The following HTR1E variants were observed in gnomAD, a reference collection of about 807,000 sequenced individuals.
HTR1E encodes 5-hydroxytryptamine receptor 1E.
In HTR1E, 3 loss-of-function variants were observed where a neutral mutation model predicts 3.4. The ratio of observed to expected loss-of-function variants is 0.89; its 90% CI spans 0.41 to 2.31. The LOEUF is 2.31. Among genes scored for constraint, HTR1E ranks in the 30% most tolerant of loss-of-function variants. HTR1E has a pLI of 0.05. For synonymous variants in HTR1E, 170 were observed against 182.8 expected (o/e 0.93, Z 0.56); for missense variants, 392 against 467.0 (o/e 0.84, Z 1.48).
chr6:86,987,807 T>C (rs1331136721), intron 1 of HTR1E, among the ~76,000 whole-genome samples: 10 of 151,998 alleles, frequency 6.6e-5, no homozygotes, highest in South Asian at 4.2e-4. Flanking sequence ...TGTCCTCACA[T>C]GGCAGAAGGC....
intron 1 of HTR1E, among the ~76,000 whole-genome samples, chr6:87,009,908 A>G (rs1582284788): frequency 2.0e-5 from 2 of 97,872 alleles, no homozygotes; most frequent in Admixed American, 1.0e-4. Context: ...TCCCTCCCGG[A>G]CGGGGCGGCT....
In HTR1E at chr6:86,964,230, G is replaced by A. The variant is rs541161535; in HGVS notation, c.-186+26407G>A. 8.5e-5 allele frequency among the ~76,000 whole-genome samples: 13 copies of A among 152,290 alleles called. No homozygotes were observed. The East Asian group carries it at 9.6e-4, about 11-fold the overall frequency. On this transcript the variant is annotated intron_variant, in intron 1 of 1. Coordinates refer to ENST00000305344, the MANE Select transcript of HTR1E (RefSeq NM_000865.3). ...GACTGAAAAAATATGCGTTGGAATC[G>A]TATCTGGGGGCATGGGGCAGATTGC...
chr6:87,002,420 G>A (rs1006956812), intron 1 of HTR1E, among the ~76,000 whole-genome samples: 1 of 152,242 alleles, frequency 6.6e-6, no homozygotes, highest in Non-Finnish European at 1.5e-5. Context: ...GGGGACCCGA[G>A]GAGGTTGCCA....
chr6:86,985,862 G>C (rs1582272869), intron 1 of HTR1E, among the ~76,000 whole-genome samples: 1 of 152,170 alleles, frequency 6.6e-6, no homozygotes, highest in East Asian at 1.9e-4. Flanking sequence ...ATTGCAACAA[G>C]GTGAAATTTT....
intron 1 of HTR1E, among the ~76,000 whole-genome samples, chr6:86,960,819 C>T (rs1333858972): frequency 1.3e-5 from 2 of 152,148 alleles, no homozygotes; most frequent in African/African-American, 2.4e-5. Flanking sequence ...GCCATGTGGC[C>T]TCAGATCCCT....
At chr6:86,947,423 T>C (rs1767134837) in intron 1 of HTR1E, among the ~76,000 whole-genome samples, 1 of 152,180 alleles carries the variant, frequency 6.6e-6, no homozygotes, top group South Asian at 2.1e-4. Context: ...ACAAAACAAG[T>C]AAAGTTCAAA....
chr6:86,996,379 A>T (rs940479170), intron 1 of HTR1E, among the ~76,000 whole-genome samples: 1 of 152,194 alleles, frequency 6.6e-6, no homozygotes, highest in Non-Finnish European at 1.5e-5. Flanking sequence ...GCAACTCAGG[A>T]GAAATCTTTA....
chr6:86,944,812 G>A (rs927417110), intron 1 of HTR1E, among the ~76,000 whole-genome samples: 3 of 152,138 alleles, frequency 2.0e-5, no homozygotes, highest in Admixed American at 6.5e-5. Context: ...TGACATCATC[G>A]CTATTGCAAT....
At chr6:86,959,196 C>A (rs1490517016) in intron 1 of HTR1E, among the ~76,000 whole-genome samples, 1 of 151,926 alleles carries the variant, frequency 6.6e-6, no homozygotes, top group Non-Finnish European at 1.5e-5. Flanking sequence ...TGGATGAGGC[C>A]TACCACATTG....
At chr6:86,976,598 C>A (rs1207491460) in intron 1 of HTR1E, among the ~76,000 whole-genome samples, 1 of 152,160 alleles carries the variant, frequency 6.6e-6, no homozygotes, top group Non-Finnish European at 1.5e-5. Context: ...TCTTGGTTGA[C>A]CAAAACTTTG....
intron 1 of HTR1E, among the ~76,000 whole-genome samples, chr6:86,974,179 T>A (rs1312833046): frequency 2.0e-5 from 3 of 152,246 alleles, no homozygotes; most frequent in Admixed American, 2.0e-4. Context: ...AGAACTTTTT[T>A]AAACCACTTG....
chr6:86,945,283 C>A (rs1275586916), intron 1 of HTR1E, among the ~76,000 whole-genome samples: 1 of 152,138 alleles, frequency 6.6e-6, no homozygotes, highest in Non-Finnish European at 1.5e-5. Flanking sequence ...GTCTCAGTCG[C>A]CCAGGCTGGA....
At chr6:86,973,091 G>A (rs981134102) in intron 1 of HTR1E, among the ~76,000 whole-genome samples, 10 of 152,134 alleles carry the variant, frequency 6.6e-5, no homozygotes, top group African/African-American at 2.4e-4. Flanking sequence ...AGCAAGGTTG[G>A]ATACCTCCTT....
intron 1 of HTR1E, among the ~76,000 whole-genome samples, chr6:86,947,632 G>T (rs572518249): frequency 4.5e-4 from 68 of 152,028 alleles, no homozygotes; most frequent in African/African-American, 1.6e-3. Flanking sequence ...AGGGAGAAAA[G>T]AGTGGTTTCT....
chr6:86,994,803 T>C (rs781316417), intron 1 of HTR1E, among the ~76,000 whole-genome samples: 2 of 150,832 alleles, frequency 1.3e-5, no homozygotes, highest in Non-Finnish European at 3.0e-5. Context: ...TCAGTGGATG[T>C]AGAGGAAATA....
At chr6:86,960,505 G>C (rs1175368086) in intron 1 of HTR1E, among the ~76,000 whole-genome samples, 1 of 151,598 alleles carries the variant, frequency 6.6e-6, no homozygotes, top group East Asian at 1.9e-4. Flanking sequence ...TATTCCACCT[G>C]GTGAACTTCA....
chr6:86,974,362 A>G lies in HTR1E; in HGVS notation c.-186+36539A>G, dbSNP rs1283112226. 3.3e-5 allele frequency among the ~76,000 whole-genome samples: 5 copies of G among 152,210 alleles called. 1 individual carries two copies. The highest frequency in any genetic ancestry group is 1.2e-4 in the African/African-American group (5 of 41,462). ...GTCCAGTAATGTTCTTTATAGCAAAAGAATCCTGTTCAGAATCAAGTGTTG... is the reference window on the plus strand; with the variant it reads ...GTCCAGTAATGTTCTTTATAGCAAAGGAATCCTGTTCAGAATCAAGTGTTG... On this transcript the variant is annotated intron_variant, in intron 1 of 1. Coordinates refer to ENST00000305344, the MANE Select transcript of HTR1E (RefSeq NM_000865.3).
chr6:86,994,862 G>A (rs1187363012), intron 1 of HTR1E, among the ~76,000 whole-genome samples: 1 of 152,070 alleles, frequency 6.6e-6, no homozygotes, highest in Non-Finnish European at 1.5e-5. Flanking sequence ...TTATATAAAG[G>A]AAGTAAGGTT....
chr6:86,939,234 C>T (rs1277835084), intron 1 of HTR1E, among the ~76,000 whole-genome samples: 2 of 152,210 alleles, frequency 1.3e-5, no homozygotes, highest in Non-Finnish European at 2.9e-5. Flanking sequence ...TAGCCTCCAG[C>T]CCACGGAGTT....
Sources: allele counts gnomAD v4.1 joint callset (sites outside exome capture counted in the v4.1 genomes callset), GRCh38; gene constraint gnomAD v4.1.1; transcripts MANE v1.5; gene names NCBI Gene and HGNC (gene_info 2026-07-23, HGNC 2026-07-21).